Variants in FSIP1 observed in about 807,000 individuals in gnomAD.
The protein encoded by FSIP1 is fibrous sheath interacting protein 1.
A neutral mutation model predicts 60.9 loss-of-function variants in FSIP1; 65 were observed. That is an observed-to-expected ratio of 1.07 (90% CI 0.87 to 1.31). The LOEUF is 1.31. Ranked by LOEUF, FSIP1 falls within the 40% of genes most tolerant of loss-of-function variation. FSIP1 has a pLI of 0.00. For missense variants in FSIP1, 675 were observed against 665.5 expected (o/e 1.01, Z -0.16); for synonymous variants, 209 against 221.2 (o/e 0.94, Z 0.49).
chr15:39,680,086 A>T (rs954155750), intron 10 of FSIP1, among the ~76,000 whole-genome samples: 20 of 152,212 alleles, frequency 1.3e-4, no homozygotes, highest in African/African-American at 4.8e-4. Flanking sequence ...GAACTGGGGA[A>T]ATGCAAAGAA....
At chr15:39,647,496 C>T (rs576034425) in intron 10 of FSIP1, among the ~76,000 whole-genome samples, 1 of 152,204 alleles carries the variant, frequency 6.6e-6, no homozygotes, top group South Asian at 2.1e-4. Flanking sequence ...TATGGTAGGG[C>T]TCAGGTATCC....
chr15:39,732,574 G>A (rs543153365), intron 8 of FSIP1, among the ~76,000 whole-genome samples: 14 of 142,336 alleles, frequency 9.8e-5, no homozygotes, highest in South Asian at 6.6e-4. Context: ...AGCCAAGATC[G>A]TGCCATTGCA....
chr15:39,622,316 A>G (rs1388026062), intron 10 of FSIP1, among the ~76,000 whole-genome samples: 1 of 152,132 alleles, frequency 6.6e-6, no homozygotes, highest in Non-Finnish European at 1.5e-5. Flanking sequence ...CCAGAACCCA[A>G]TCTCTTTTCA....
chr15:39,648,123 C>T (rs1892699763), intron 10 of FSIP1, among the ~76,000 whole-genome samples: 1 of 139,608 alleles, frequency 7.2e-6, no homozygotes, highest in Admixed American at 7.8e-5. Flanking sequence ...ACATATGTAA[C>T]TAACCTGCAC....
chr15:39,720,580 A>G (rs988908037), intron 9 of FSIP1, among the ~76,000 whole-genome samples: 3 of 152,242 alleles, frequency 2.0e-5, no homozygotes, highest in East Asian at 1.9e-4. Context: ...ATACTTGTAT[A>G]TAACAGCCAA....
At chr15:39,703,657 G>A (rs1029979478) in intron 10 of FSIP1, among the ~76,000 whole-genome samples, 2 of 152,124 alleles carry the variant, frequency 1.3e-5, no homozygotes, top group Admixed American at 6.6e-5. Flanking sequence ...ATGATGGGTT[G>A]ATAGGTGTAG....
intron 10 of FSIP1, among the ~76,000 whole-genome samples, chr15:39,694,559 G>T (rs1169145064): frequency 6.6e-6 from 1 of 152,084 alleles, no homozygotes; most frequent in Non-Finnish European, 1.5e-5. Context: ...CCAGCACTTT[G>T]GGAGGCGAAG....
Position 39,763,898 on chromosome 15 carries a change from TCAC to T in FSIP1, c.479_481del (p.Ser160_Glu161delinsLys). 6.3e-7 allele frequency: 1 copy of T among 1,584,572 alleles called. No homozygotes were observed. The highest frequency in any genetic ancestry group is 1.7e-4 in the Middle Eastern group (1 of 6,002). Reference sequence around the variant, plus strand: ...CATCTCCTCTTTACTTTGCCAAGCTTCACTATATTTTGCAGACTAATGAAAGGA... The same window carrying T: ...CATCTCCTCTTTACTTTGCCAAGCTTTATATTTTGCAGACTAATGAAAGGA... On this transcript the variant is annotated inframe_deletion, in exon 5 of 12. Transcript: ENST00000350221.
intron 10 of FSIP1, among the ~76,000 whole-genome samples, chr15:39,660,997 G>A (rs1285672297): frequency 2.0e-5 from 3 of 152,224 alleles, no homozygotes; most frequent in African/African-American, 4.8e-5. Context: ...CAGGGATGGA[G>A]GTTTCAGTGA....
At chr15:39,674,575 G>GAA (rs201344034) in intron 10 of FSIP1, among the ~76,000 whole-genome samples, 7 of 144,946 alleles carry the variant, frequency 4.8e-5, no homozygotes, top group Admixed American at 2.7e-4. Context: ...AGAGGGCCCA[G>GAA]AAAAAAAAAA....
chr15:39,607,446 G>A (rs1263033651), intron 11 of FSIP1, among the ~76,000 whole-genome samples: 1 of 152,182 alleles, frequency 6.6e-6, no homozygotes, highest in Non-Finnish European at 1.5e-5. Context: ...ACCTGGGTGG[G>A]GAAGAGAAGA....
intron 10 of FSIP1, among the ~76,000 whole-genome samples, chr15:39,623,176 A>T (rs1326300462): frequency 1.3e-5 from 2 of 152,112 alleles, no homozygotes; most frequent in East Asian, 1.9e-4. Flanking sequence ...CCTCACTCTC[A>T]TCCCTGCCCC....
intron 10 of FSIP1, among the ~76,000 whole-genome samples, chr15:39,646,032 C>T (rs1392087182): frequency 6.6e-6 from 1 of 152,196 alleles, no homozygotes; most frequent in Non-Finnish European, 1.5e-5. Context: ...TGCACTCTGT[C>T]CTCTCTGAAC....
intron 9 of FSIP1, among the ~76,000 whole-genome samples, chr15:39,720,599 G>C (rs914637703): frequency 4.6e-5 from 7 of 152,156 alleles, no homozygotes; most frequent in African/African-American, 1.7e-4. Flanking sequence ...AAATGGAATA[G>C]AATTTACTAT....
At chr15:39,605,791 G>C (rs1301815581) in intron 11 of FSIP1, among the ~76,000 whole-genome samples, 2 of 152,118 alleles carry the variant, frequency 1.3e-5, no homozygotes, top group African/African-American at 4.8e-5. Context: ...AGCCAACCAA[G>C]TCCAGTCCCA....
At chr15:39,725,928 G>C (rs923296299) in intron 9 of FSIP1, among the ~76,000 whole-genome samples, 2 of 151,972 alleles carry the variant, frequency 1.3e-5, no homozygotes, top group Admixed American at 6.6e-5. Context: ...GGGATTACAA[G>C]CATGCACCAC....
chr15:39,725,573 T>C (rs1249212395), intron 9 of FSIP1, among the ~76,000 whole-genome samples: 1 of 152,180 alleles, frequency 6.6e-6, no homozygotes. Flanking sequence ...ATTTAAATCT[T>C]TGGATGGTCC....
chr15:39,629,574 C>T (rs1327467728), intron 10 of FSIP1, among the ~76,000 whole-genome samples: 1 of 152,180 alleles, frequency 6.6e-6, no homozygotes, highest in Non-Finnish European at 1.5e-5. Context: ...TGCCTGCGCA[C>T]ACCCTCCTCA....
intron 10 of FSIP1, among the ~76,000 whole-genome samples, chr15:39,631,546 G>A (rs954377028): frequency 8.5e-5 from 13 of 152,130 alleles, no homozygotes; most frequent in African/African-American, 2.2e-4. Context: ...AGGCAGAGGC[G>A]AAGTAACGAA....
Sources: gnomAD v4.1 joint callset for allele counts (sites outside exome capture counted in the v4.1 genomes callset) on GRCh38, gnomAD v4.1.1 for gene constraint, MANE v1.5 for transcripts, NCBI Gene and HGNC (gene_info 2026-07-23, HGNC 2026-07-21) for gene names.